MRC2: variants seen among roughly 807,000 people sequenced by gnomAD.
The protein encoded by MRC2 is mannose receptor C-type 2.
MRC2 carries 84 observed loss-of-function variants against 206.2 expected under a neutral mutation model. The observed-to-expected ratio is 0.41, with a 90% CI of 0.34 to 0.49. The LOEUF (loss-of-function observed/expected upper bound fraction) is 0.49. Among genes scored for constraint, MRC2 ranks in the 20% least tolerant of loss-of-function variants. MRC2 has a pLI of 0.31. For synonymous variants in MRC2, 798 were observed against 800.0 expected (o/e 1.00, Z 0.04); for missense variants, 1,676 against 2,001.5 (o/e 0.84, Z 3.10).
chr17:62,682,113 C>T, intron 19 of MRC2, 122 bp from the exon 20 acceptor site: 1 of 1,196,712 alleles, frequency 8.4e-7, no homozygotes, highest in Non-Finnish European at 1.2e-6. Context: ...GAATTCGGAG[C>T]TGGACACAGG....
chr17:62,685,075 G>C (rs761844463), intron 20 of MRC2, among the ~76,000 whole-genome samples: 1 of 152,088 alleles, frequency 6.6e-6, no homozygotes, highest in Non-Finnish European at 1.5e-5. Flanking sequence ...CTGGGAGGCA[G>C]AGGTTGCAGT....
intron 1 of MRC2, among the ~76,000 whole-genome samples, chr17:62,631,360 C>T (rs907140141): frequency 2.0e-5 from 3 of 151,986 alleles, no homozygotes; most frequent in Admixed American, 6.6e-5. Flanking sequence ...ACACACCTGG[C>T]GTGAAAATGT....
At chr17:62,654,427 A>G (rs894539421) in intron 1 of MRC2, among the ~76,000 whole-genome samples, 2 of 151,850 alleles carry the variant, frequency 1.3e-5, no homozygotes, top group Non-Finnish European at 2.9e-5. Flanking sequence ...CCTCTCATTC[A>G]ACACATATTT....
intron 20 of MRC2, among the ~76,000 whole-genome samples, chr17:62,684,984 T>C (rs1296461976): frequency 6.6e-6 from 1 of 151,972 alleles, no homozygotes; most frequent in Admixed American, 6.6e-5. Context: ...CTACTAAAAA[T>C]ACAAAAAATT....
chr17:62,682,030 C>G (rs2088974256), intron 19 of MRC2, 93 bp downstream of exon 19: 3 of 1,224,884 alleles, frequency 2.4e-6, no homozygotes, highest in Non-Finnish European at 3.4e-6. Flanking sequence ...TGTTCTCATT[C>G]TCTTTGTTCC....
chr17:62,635,236 A>G (rs997645280), intron 1 of MRC2, among the ~76,000 whole-genome samples: 2 of 128,068 alleles, frequency 1.6e-5, no homozygotes, highest in Non-Finnish European at 3.1e-5. Context: ...AATCAGAGGC[A>G]TTACTTCTTC....
At chr17:62,655,158 C>T (rs1157529879) in intron 1 of MRC2, among the ~76,000 whole-genome samples, 1 of 151,592 alleles carries the variant, frequency 6.6e-6, no homozygotes, top group Non-Finnish European at 1.5e-5. Flanking sequence ...TGGTGGCGGG[C>T]GCCTGTAGTC....
At chr17:62,648,532 GAA>G (rs1393601948) in intron 1 of MRC2, among the ~76,000 whole-genome samples, 1 of 152,194 alleles carries the variant, frequency 6.6e-6, no homozygotes, top group Non-Finnish European at 1.5e-5. Flanking sequence ...GAATGTGGCT[GAA>G]AGAGTGCACA....
chr17:62,674,218 G>C, intron 9 of MRC2, 48 bp downstream of exon 9: 1 of 1,376,840 alleles, frequency 7.3e-7, no homozygotes, highest in Non-Finnish European at 9.9e-7. Flanking sequence ...CTGTCAGAGG[G>C]GCTACCAGGG....
rs1164231785 is a variant in MRC2, at chr17:62,645,527, ATTTTT to A, written c.118+17627_118+17631del. 2.4e-3 allele frequency among the ~76,000 whole-genome samples: 93 copies of A among 39,470 alleles called. 1 individual carries two copies. In the East Asian group the frequency reaches 0.031, roughly 13 times the overall value. 25.9% of individuals were successfully genotyped at this position (39,470 alleles called of 152,430 possible). A position where few individuals can be genotyped will look rare whatever the true frequency, so the allele number is the denominator to read the frequency against. On this transcript the variant is annotated intron_variant, in intron 1 of 29. Coordinates refer to ENST00000303375, the MANE Select transcript of MRC2 (RefSeq NM_006039.5). ...TATATATATATATATATATATATAT[ATTTTT>A]TTTTTTTTTTTTTTTTTTTGAGATG...
At position 62,667,519 on chromosome 17, in the gene MRC2, A is replaced by G. The variant is rs777898019; in HGVS notation, c.1103A>G (p.Glu368Gly). The change falls in exon 6 of 30, where the codon GAG (glutamate) becomes GGG (glycine). Residue 368 changes from glutamate to glycine, a missense_variant. Glu to Gly is a moderately conservative substitution (Grantham distance 98). This residue lies in a region of MRC2 where 1,354 missense variants were observed against 1,636.6 expected (regional missense o/e 0.83). Transcript: ENST00000303375. The surrounding 1 kb of genome is among the most constrained non-coding windows in gnomAD (Gnocchi z 4.1). ...AAGAAGAAGCCCAACGCCACGGCCG[A>G]GCCCACCCCTCCAGGTGAGCCAGGG... ...VCKKKPNATA[E>G]PTPPDRWANV... 3 of 1,610,450 alleles carry G rather than the reference A, an allele frequency of 1.9e-6. No homozygotes were observed. Among genetic ancestry groups the G allele is most frequent in the Non-Finnish European group, 2.5e-6 (3 of 1,179,272 alleles).
chr17:62,663,510 A>C (rs2088705827), intron 1 of MRC2, among the ~76,000 whole-genome samples: 1 of 152,050 alleles, frequency 6.6e-6, no homozygotes, highest in Non-Finnish European at 1.5e-5. Flanking sequence ...ACAGGCAACC[A>C]TTAATTTGCT....
chr17:62,664,035 C>T lies in MRC2; in HGVS notation c.119-513C>T, dbSNP rs1440366622. ...AGTGCAGTGGCGGGATCTCGGCTCA[C>T]TGCAAGCTCCGCCTCCCGGGTTCAC... On this transcript the variant is annotated intron_variant, in intron 1 of 29. Transcript: ENST00000303375. This position sits in a 1 kb window ranked among gnomAD's most constrained non-coding sequence, Gnocchi z 4.7. Among the ~76,000 whole-genome samples, 5 of 148,722 alleles carry T rather than the reference C, an allele frequency of 3.4e-5. No individual in the cohort carries two copies. In the East Asian group the frequency reaches 9.9e-4, roughly 29 times the overall value.
rs1186591232 is a variant in MRC2 at position 62,675,781 on chromosome 17, T to C, written c.1570-9T>C. On this transcript the variant is annotated splice_polypyrimidine_tract_variant and intron_variant, in intron 9 of 29. Transcript: ENST00000303375. The surrounding 1 kb of genome is among the most constrained non-coding windows in gnomAD (Gnocchi z 4.1). The stretch of plus-strand genomic sequence containing the variant: ...ACAGACACCCCTCTTCTGTCCACTC[T>C]TGAGCCAGGGTTGGACGTGGCACAG... 2 of 1,611,466 alleles carry C rather than the reference T, an allele frequency of 1.2e-6. No individual in the cohort carries two copies. The highest frequency in any genetic ancestry group is 1.1e-5 in the South Asian group (1 of 91,008).
Position 62,680,926 on chromosome 17 carries a change from C to G in MRC2, c.2600C>G (p.Ala867Gly), listed in dbSNP as rs1299648749. The G allele has an allele frequency of 6.2e-7, 1 of 1,613,116 alleles. No individual in the cohort carries two copies. Among genetic ancestry groups the G allele is most frequent in the African/African-American group, 1.3e-5 (1 of 75,072 alleles). Residue 867 changes from alanine to glycine, a missense_variant, in exon 17 of 30, where the codon GCG becomes GGG. Coordinates refer to ENST00000303375, the MANE Select transcript of MRC2 (RefSeq NM_006039.5). This position sits in a 1 kb window ranked among gnomAD's most constrained non-coding sequence, Gnocchi z 4.8. The part of the protein sequence containing the change: ...QAELTSVHSQ[A>G]ELDFLSHNLQ... ...GAGCTGACCTCGGTGCACAGCCAGG[C>G]GGAGCTAGACTTCCTGAGCCACAAC...
intron 1 of MRC2, among the ~76,000 whole-genome samples, chr17:62,629,402 G>A (rs1400060281): frequency 1.3e-5 from 2 of 152,210 alleles, no homozygotes; most frequent in South Asian, 2.1e-4. Context: ...CGGTCAGGGA[G>A]GACAAGGACG....
At chr17:62,655,445 G>A (rs932233925) in intron 1 of MRC2, among the ~76,000 whole-genome samples, 7 of 152,124 alleles carry the variant, frequency 4.6e-5, no homozygotes, top group Non-Finnish European at 7.4e-5. Context: ...GGGAGGCTGA[G>A]GCAGGAGAAT....
chr17:62,688,485 CTTCTGGGGACCATAGCA>C lies in MRC2; in HGVS notation c.3062-12_3066del. On this transcript the variant is annotated splice_acceptor_variant and splice_polypyrimidine_tract_variant and coding_sequence_variant and intron_variant, in exon 22 of 30. Transcript: ENST00000303375. LOFTEE classifies it high-confidence loss of function. ...CTATAGCAGAGTCACTCACAACTGT[CTTCTGGGGACCATAGCA>C]TTCATCACAGCCAGCCTGCCCAATG... 6.2e-7 allele frequency: 1 copy of C among 1,614,184 alleles called. No homozygotes were observed.
chr17:62,680,026 C>G lies in MRC2; in HGVS notation c.2298+124C>G. Reference sequence around the variant, plus strand: ...CCGGGCCCCCAGTCGGAGCCGGCTTCAGGAAAGCAGGTCCGAGAGGGGTCA... The same window carrying G: ...CCGGGCCCCCAGTCGGAGCCGGCTTGAGGAAAGCAGGTCCGAGAGGGGTCA... On this transcript the variant is annotated intron_variant, in intron 14 of 29. Coordinates refer to ENST00000303375, the MANE Select transcript of MRC2 (RefSeq NM_006039.5). This position sits in a 1 kb window ranked among gnomAD's most constrained non-coding sequence, Gnocchi z 4.8. 3 of 1,495,094 alleles carry G rather than the reference C, an allele frequency of 2.0e-6. No homozygotes were observed. Among genetic ancestry groups the G allele is most frequent in the Non-Finnish European group, 2.7e-6 (3 of 1,102,372 alleles). 92.6% of individuals were successfully genotyped at this position (1,495,094 alleles called of 1,614,324 possible).
Sources: gnomAD v4.1 joint callset for allele counts (sites outside exome capture counted in the v4.1 genomes callset) on GRCh38, gnomAD v4.1.1 for gene constraint, gnomAD v4.1.1 regional missense constraint, Gnocchi (gnomAD v3.1) non-coding constraint, MANE v1.5 for transcripts, NCBI Gene and HGNC (gene_info 2026-07-23, HGNC 2026-07-21) for gene names.